Variants in COL27A1 observed in about 807,000 individuals in gnomAD.
COL27A1 encodes the protein collagen type XXVII alpha 1 chain.
A neutral mutation model predicts 251.3 loss-of-function variants in COL27A1; 106 were observed. The ratio of observed to expected loss-of-function variants is 0.42; its 90% confidence interval spans 0.36 to 0.50. COL27A1 has a LOEUF of 0.50. Ranked by LOEUF, COL27A1 falls within the 20% of genes least tolerant of loss-of-function variation. COL27A1 has a pLI of 0.00. For synonymous variants in COL27A1, 1,000 were observed against 986.3 expected (o/e 1.01, Z -0.26); for missense variants, 2,325 against 2,522.8 (o/e 0.92, Z 1.68).
chr9:114,245,168 T>G lies in COL27A1; in HGVS notation c.2935-698T>G, dbSNP rs1464463527. Reference sequence around the variant, plus strand: ...TTCTTGTTTTTTTTTTTTTTTTTTTTTTTTTTTTGACAGTCTCGCTCTTGT... The same window carrying G: ...TTCTTGTTTTTTTTTTTTTTTTTTTGTTTTTTTTGACAGTCTCGCTCTTGT... On this transcript the variant is annotated intron_variant, in intron 23 of 60. Transcript: ENST00000356083. 1.5e-4 allele frequency among the ~76,000 whole-genome samples: 22 copies of G among 145,222 alleles called. 1 individual carries two copies. The South Asian group carries it at 1.6e-3, about 11-fold the overall frequency.
intron 25 of COL27A1, 116 bp downstream of exon 25, chr9:114,250,784 C>G: frequency 3.5e-6 from 3 of 857,738 alleles, no homozygotes; most frequent in Non-Finnish European, 5.7e-6. Flanking sequence ...AGCCTCTCTC[C>G]TGACCTGGCA....
upstream of COL27A1, among the ~76,000 whole-genome samples, chr9:114,154,847 C>T (rs1378335890): frequency 1.3e-5 from 2 of 151,990 alleles, no homozygotes; most frequent in East Asian, 3.9e-4. This position sits in a 1 kb window ranked among gnomAD's most constrained non-coding sequence, Gnocchi z 5.8. Flanking sequence ...GTGGTAGAGG[C>T]GGAGGGAGCT....
intron 1 of COL27A1, among the ~76,000 whole-genome samples, chr9:114,157,096 A>G (rs1279649280): frequency 7.6e-6 from 1 of 131,580 alleles, no homozygotes; most frequent in African/African-American, 2.7e-5. Flanking sequence ...ACACACACAC[A>G]CACACACATA....
chr9:114,248,828 GT>G (rs1225323368), intron 24 of COL27A1, among the ~76,000 whole-genome samples: 4 of 152,190 alleles, frequency 2.6e-5, no homozygotes, highest in Non-Finnish European at 4.4e-5. Context: ...TGAAATTTCT[GT>G]TTCTCTGGGC....
intron 49 of COL27A1, among the ~76,000 whole-genome samples, chr9:114,295,578 G>A (rs1011058196): frequency 7.2e-5 from 11 of 152,192 alleles, no homozygotes; most frequent in Non-Finnish European, 1.0e-4. Context: ...TGGTATTGCC[G>A]TAAATAACTA....
Position 114,205,093 on chromosome 9 carries a change from C to T in COL27A1, c.2125-9C>T, listed in dbSNP as rs2135298358. ...CCCTGCCTGATGCAGCTTCTTCCCC[C>T]TCCAACAGGGACACAAGGGCTATCC... On this transcript the variant is annotated splice_polypyrimidine_tract_variant and intron_variant, in intron 7 of 60. Coordinates refer to ENST00000356083, the MANE Select transcript of COL27A1 (RefSeq NM_032888.4). 6 of 1,613,646 alleles carry T rather than the reference C, an allele frequency of 3.7e-6. No homozygotes were observed. Among genetic ancestry groups the T allele is most frequent in the Non-Finnish European group, 5.1e-6 (6 of 1,179,938 alleles).
intron 27 of COL27A1, among the ~76,000 whole-genome samples, chr9:114,258,209 C>T (rs1395520120): frequency 1.3e-5 from 2 of 152,164 alleles, no homozygotes; most frequent in African/African-American, 2.4e-5. Flanking sequence ...TGAATGGCAT[C>T]GTATCTTCTC....
At chr9:114,155,071 C>T (rs34091560), upstream of COL27A1, among the ~76,000 whole-genome samples, 1,477 of 152,134 alleles carry the variant, frequency 9.7e-3, 7 homozygotes, top group Non-Finnish European at 0.016. This position sits in a 1 kb window ranked among gnomAD's most constrained non-coding sequence, Gnocchi z 5.5. Context: ...CCTATATGTT[C>T]TCCAGGGCGC....
At chr9:114,250,178 T>C (rs1301558989) in intron 24 of COL27A1, among the ~76,000 whole-genome samples, 1 of 152,220 alleles carries the variant, frequency 6.6e-6, no homozygotes, top group Non-Finnish European at 1.5e-5. Context: ...CAATCAGTTC[T>C]CTTGGCGGAG....
intron 37 of COL27A1, among the ~76,000 whole-genome samples, chr9:114,276,573 C>A (rs2135671242): frequency 6.6e-6 from 1 of 152,320 alleles, no homozygotes; most frequent in East Asian, 1.9e-4. Context: ...CCACTGCACT[C>A]CAGCCTGGGC....
At chr9:114,302,241 C>T (rs1310341991) in intron 56 of COL27A1, 133 bp downstream of exon 56, 4 of 734,618 alleles carry the variant, frequency 5.4e-6, no homozygotes, top group African/African-American at 5.3e-5. Flanking sequence ...GTCCTTTTGT[C>T]ACTTCATACT....
In COL27A1 at chr9:114,205,764, G is replaced by A. The variant is rs1829908487; in HGVS notation, c.2175G>A (p.Gln725=). The A allele has an allele frequency of 6.2e-7, 1 of 1,613,992 alleles. No homozygotes were observed. The highest frequency in any genetic ancestry group is 1.3e-5 in the African/African-American group (1 of 74,924). Residue 725 remains glutamine, a synonymous_variant, in exon 9 of 61, where the codon CAG becomes CAA. Coordinates refer to ENST00000356083, the MANE Select transcript of COL27A1 (RefSeq NM_032888.4). ...GPAGHPGEQG[Q]PGPEGSPGAK... is the part of the protein sequence containing the mutation. Reference sequence around the variant, plus strand: ...TTCTCTCTGTTCCTTTGCAGGGGCAGCCAGGACCTGAGGGCAGCCCAGGGG... The same window carrying A: ...TTCTCTCTGTTCCTTTGCAGGGGCAACCAGGACCTGAGGGCAGCCCAGGGG...
chr9:114,224,845 C>T (rs1831361007), intron 14 of COL27A1, among the ~76,000 whole-genome samples: 1 of 151,850 alleles, frequency 6.6e-6, no homozygotes, highest in Admixed American at 6.6e-5. Context: ...TTTGTAGAGA[C>T]AGGATTTCGC....
intron 57 of COL27A1, among the ~76,000 whole-genome samples, chr9:114,305,884 C>T (rs1437572419): frequency 1.3e-5 from 2 of 152,236 alleles, no homozygotes; most frequent in East Asian, 1.9e-4. Context: ...ACCTCCGCCA[C>T]CCCCAGTGGA....
intron 36 of COL27A1, chr9:114,273,874 TCTCA>T (rs1835316050): frequency 6.6e-6 from 1 of 152,206 alleles, no homozygotes; most frequent in Non-Finnish European, 1.5e-5. Flanking sequence ...CCCCAATCTC[TCTCA>T]GAGTACGCAA....
At position 114,231,122 on chromosome 9, in the gene COL27A1, A is replaced by C; in HGVS notation, c.2510A>C (p.Lys837Thr). The C allele has an allele frequency of 6.2e-7, 1 of 1,613,482 alleles. No individual in the cohort carries two copies. The highest frequency in any genetic ancestry group is 2.2e-5 in the East Asian group (1 of 44,870). The change falls in exon 15 of 61, where the codon AAG (lysine) becomes ACG (threonine). Residue 837 changes from lysine (K) to threonine (T), a missense_variant. Around this residue, in one of 4 missense-constraint regions of COL27A1, gnomAD observed 1,183 missense variants for 1,144.1 expected, o/e 1.03. Coordinates refer to ENST00000356083, the MANE Select transcript of COL27A1 (RefSeq NM_032888.4). ...VLGPIGYPGP[K>T]GMKGLMGSVG... ...GGTCCGATTGGCTACCCGGGACCCA[A>C]GGGCATGAAGGTAAGCAAGGGATGT...
At chr9:114,303,242 C>CTTT (rs71367759) in intron 56 of COL27A1, among the ~76,000 whole-genome samples, 5 of 132,208 alleles carry the variant, frequency 3.8e-5, no homozygotes, top group Admixed American at 1.6e-4. Flanking sequence ...TTTTTCTTTT[C>CTTT]TTTTTTTTTT....
At chr9:114,198,695 G>C (rs1829337074) in intron 7 of COL27A1, among the ~76,000 whole-genome samples, 1 of 152,150 alleles carries the variant, frequency 6.6e-6, no homozygotes, top group Non-Finnish European at 1.5e-5. Flanking sequence ...TAAAAAAAGA[G>C]GCTGCCTGCC....
At chr9:114,274,599 C>A (rs954831139) in intron 36 of COL27A1, among the ~76,000 whole-genome samples, 3 of 152,186 alleles carry the variant, frequency 2.0e-5, no homozygotes, top group Admixed American at 2.0e-4. Context: ...AAGTATTCTG[C>A]AGCCAATAAG....
Sources: allele counts gnomAD v4.1 joint callset (sites outside exome capture counted in the v4.1 genomes callset), GRCh38; gene constraint gnomAD v4.1.1; regional missense constraint gnomAD v4.1.1; non-coding constraint Gnocchi (gnomAD v3.1); transcripts MANE v1.5; gene names NCBI Gene and HGNC (gene_info 2026-07-23, HGNC 2026-07-21).